Variants in UBE3B observed in about 807,000 individuals in gnomAD.
The protein encoded by UBE3B is ubiquitin-protein ligase E3B.
A neutral mutation model predicts 132.3 loss-of-function variants in UBE3B; 80 were observed. That is an observed-to-expected ratio of 0.60 (90% CI 0.50 to 0.73). The LOEUF is 0.73. Among genes scored for constraint, UBE3B ranks in the 30% least tolerant of loss-of-function variants. The pLI is 0.00. For missense variants in UBE3B, 1,196 were observed against 1,362.5 expected (o/e 0.88, Z 1.92); for synonymous variants, 487 against 520.4 (o/e 0.94, Z 0.87).
intron 2 of UBE3B, among the ~76,000 whole-genome samples, chr12:109,482,366 C>T (rs1411295062): frequency 6.6e-6 from 1 of 152,154 alleles, no homozygotes; most frequent in African/African-American, 2.4e-5. Context: ...TTATCTTATT[C>T]CACTCTGTTT....
Position 109,534,410 on chromosome 12 carries a change from G to GGAAGGA in UBE3B, c.3016-177_3016-176insGAGAAG. On this transcript the variant is annotated intron_variant, in intron 27 of 27. Transcript: ENST00000342494. This position sits in a 1 kb window ranked among gnomAD's most constrained non-coding sequence, Gnocchi z 5.2. ...CCCAGGGAGAAGGGGTTCCTTCTCT[G>GGAAGGA]GAAGCCAGTCGTCTTGTGTCTGGGG... The GGAAGGA allele has an allele frequency of 6.4e-6, 9 of 1,415,766 alleles. No homozygotes were observed. Among genetic ancestry groups the GGAAGGA allele is most frequent in the Non-Finnish European group, 8.3e-6 (9 of 1,089,872 alleles). 87.7% of individuals were successfully genotyped at this position (1,415,766 alleles called of 1,614,324 possible). A position where few individuals can be genotyped will look rare whatever the true frequency, so the allele number is the denominator to read the frequency against.
Position 109,534,406 on chromosome 12 carries a change from C to T in UBE3B, c.3016-185C>T. 1 of 1,415,284 alleles carries T rather than the reference C, an allele frequency of 7.1e-7. No individual in the cohort carries two copies. Among genetic ancestry groups the T allele is most frequent in the Non-Finnish European group, 9.2e-7 (1 of 1,089,968 alleles). 87.7% of individuals were successfully genotyped at this position (1,415,284 alleles called of 1,614,324 possible). On this transcript the variant is annotated intron_variant, in intron 27 of 27. Coordinates refer to ENST00000342494, the MANE Select transcript of UBE3B (RefSeq NM_130466.4). The surrounding 1 kb of genome is among the most constrained non-coding windows in gnomAD (Gnocchi z 5.2). The stretch of plus-strand genomic sequence containing the variant: ...AGGCCCCAGGGAGAAGGGGTTCCTT[C>T]TCTGGAAGCCAGTCGTCTTGTGTCT...
intron 14 of UBE3B, among the ~76,000 whole-genome samples, chr12:109,504,966 C>T (rs1018858753): frequency 1.3e-5 from 2 of 148,746 alleles, no homozygotes; most frequent in East Asian, 3.9e-4. Context: ...CCACCATGCC[C>T]GGCTAATTTT....
chr12:109,522,710 C>T lies in UBE3B; in HGVS notation c.2364+1159C>T, dbSNP rs1369419257. ...CTGTCTGGAAACAGTCTATGTGCAC[C>T]GGCCTCAGTCCCTGGCCATGATGGA... On this transcript the variant is annotated intron_variant, in intron 21 of 27. Transcript: ENST00000342494. The surrounding 1 kb of genome is among the most constrained non-coding windows in gnomAD (Gnocchi z 4.2). 3.3e-5 allele frequency among the ~76,000 whole-genome samples: 5 copies of T among 152,178 alleles called. No individual in the cohort carries two copies. Among genetic ancestry groups the T allele is most frequent in the African/African-American group, 9.7e-5 (4 of 41,424 alleles).
chr12:109,487,354 A>T (rs1876680161), intron 6 of UBE3B, among the ~76,000 whole-genome samples: 1 of 152,206 alleles, frequency 6.6e-6, no homozygotes, highest in Non-Finnish European at 1.5e-5. Flanking sequence ...AAGGATAGAG[A>T]GGTCTCAGGG....
Position 109,521,573 on chromosome 12 carries a change from G to T in UBE3B, c.2364+22G>T. Reference sequence around the variant, plus strand: ...TGAGGTAGGAACGTTAAGAAACAGAGAAATGTAAAATAAAATGTTAACGGT... The same window carrying T: ...TGAGGTAGGAACGTTAAGAAACAGATAAATGTAAAATAAAATGTTAACGGT... On this transcript the variant is annotated intron_variant, in intron 21 of 27. Coordinates refer to ENST00000342494, the MANE Select transcript of UBE3B (RefSeq NM_130466.4). The surrounding 1 kb of genome is among the most constrained non-coding windows in gnomAD (Gnocchi z 4.2). 1 of 1,526,552 alleles carries T rather than the reference G, an allele frequency of 6.6e-7. No individual in the cohort carries two copies. The highest frequency in any genetic ancestry group is 8.8e-7 in the Non-Finnish European group (1 of 1,133,700). 94.6% of individuals were successfully genotyped at this position (1,526,552 alleles called of 1,614,324 possible).
chr12:109,486,969 G>C (rs1230461950), intron 6 of UBE3B, among the ~76,000 whole-genome samples: 2 of 152,216 alleles, frequency 1.3e-5, no homozygotes, highest in African/African-American at 4.8e-5. Context: ...AATATATTCA[G>C]TAACGTGGCA....
At chr12:109,545,915 G>T in the UBE3B span, among the ~76,000 whole-genome samples, 8 of 152,244 alleles carry the variant, frequency 5.3e-5, no homozygotes, top group African/African-American at 7.2e-5. Flanking sequence ...ATTTCAGGGT[G>T]TGCTGAGTAA....
At chr12:109,487,460 C>T (rs1190178303) in intron 6 of UBE3B, among the ~76,000 whole-genome samples, 1 of 152,212 alleles carries the variant, frequency 6.6e-6, no homozygotes, top group African/African-American at 2.4e-5. Context: ...CCCAGCCATC[C>T]CTCTTTGGCT....
chr12:109,541,399 C>A (rs1001746544), downstream of UBE3B, among the ~76,000 whole-genome samples: 1 of 152,214 alleles, frequency 6.6e-6, no homozygotes. Context: ...CATTTCACTT[C>A]TCGGAGATTC....
chr12:109,480,389 T>C (rs1412550672), intron 1 of UBE3B, among the ~76,000 whole-genome samples: 3 of 152,116 alleles, frequency 2.0e-5, no homozygotes, highest in Non-Finnish European at 4.4e-5. Flanking sequence ...GGCTCATACC[T>C]GTAATCCTAA....
At position 109,521,442 on chromosome 12, in the gene UBE3B, CA is replaced by C; in HGVS notation, c.2257del (p.Thr753ProfsTer49). 2 of 1,580,502 alleles carry C rather than the reference CA, an allele frequency of 1.3e-6. No individual in the cohort carries two copies. The highest frequency in any genetic ancestry group is 1.7e-6 in the Non-Finnish European group (2 of 1,157,394). ...VFDPALNLFKTTSGDERLYPS... is the reference protein window; with the variant it reads ...VFDPALNLFKXTSGDERLYPS... ...TCTCCCCGTCTTTTTGCCTTGCAGACAACCAGTGGGGATGAGAGGCTGTACC... is the reference window on the plus strand; with the variant it reads ...TCTCCCCGTCTTTTTGCCTTGCAGACACCAGTGGGGATGAGAGGCTGTACC... On this transcript the variant is annotated frameshift_variant and splice_region_variant, in exon 21 of 28. Coordinates refer to ENST00000342494, the MANE Select transcript of UBE3B (RefSeq NM_130466.4). LOFTEE classifies it high-confidence loss of function. This position sits in a 1 kb window ranked among gnomAD's most constrained non-coding sequence, Gnocchi z 4.2.
At position 109,478,104 on chromosome 12, in the gene UBE3B, C is replaced by T. The variant is rs1874625951; in HGVS notation, c.-133C>T. On this transcript the variant is annotated 5_prime_UTR_variant, in exon 1 of 28. Transcript: ENST00000342494. The stretch of plus-strand genomic sequence containing the variant: ...CGAATACTGTTCGCTCGCTGTGTGA[C>T]CTTGGGTGAGTTCCCTCACCTCTCT... 6.5e-6 allele frequency: 1 copy of T among 153,794 alleles called. No homozygotes were observed. Among genetic ancestry groups the T allele is most frequent in the Admixed American group, 6.5e-5 (1 of 15,310 alleles). 9.5% of individuals were successfully genotyped at this position (153,794 alleles called of 1,614,324 possible).
chr12:109,502,319 C>T (rs887675912), intron 13 of UBE3B, among the ~76,000 whole-genome samples: 10 of 152,206 alleles, frequency 6.6e-5, no homozygotes, highest in African/African-American at 2.2e-4. Flanking sequence ...GAACCACAGG[C>T]GGGGCTAGCG....
At chr12:109,503,862 G>T (rs923315018) in intron 14 of UBE3B, among the ~76,000 whole-genome samples, 25 of 152,206 alleles carry the variant, frequency 1.6e-4, no homozygotes, top group African/African-American at 5.8e-4. Flanking sequence ...GAAGGATTAA[G>T]AGCTTCTCTG....
chr12:109,542,171 A>T, the UBE3B span, among the ~76,000 whole-genome samples: 1 of 152,208 alleles, frequency 6.6e-6, no homozygotes, highest in Non-Finnish European at 1.5e-5. Context: ...AGAATTGCTT[A>T]TTCAAGGACG....
chr12:109,521,228 G>C lies in UBE3B; in HGVS notation c.2157G>C (p.Gly719=). Reference sequence around the variant, plus strand: ...GTGTGAAGTTTGTCAATGACCTCGGGGTGGACGAAGCAGGGATTGATCAAG... The same window carrying C: ...GTGTGAAGTTTGTCAATGACCTCGGCGTGGACGAAGCAGGGATTGATCAAG... The part of the protein sequence containing the change: ...VIRVKFVNDL[G]VDEAGIDQDG... The change falls in exon 20 of 28, where the codon GGG becomes GGC. Residue 719 remains glycine (G), a synonymous_variant. Coordinates refer to ENST00000342494, the MANE Select transcript of UBE3B (RefSeq NM_130466.4). This position sits in a 1 kb window ranked among gnomAD's most constrained non-coding sequence, Gnocchi z 4.2. The C allele has an allele frequency of 6.2e-7, 1 of 1,614,174 alleles. No homozygotes were observed. The highest frequency in any genetic ancestry group is 8.5e-7 in the Non-Finnish European group (1 of 1,180,034).
intron 24 of UBE3B, among the ~76,000 whole-genome samples, chr12:109,527,195 T>C (rs1882441476): frequency 6.6e-6 from 1 of 152,218 alleles, no homozygotes; most frequent in South Asian, 2.1e-4. Context: ...GGAGAGACTC[T>C]GAGGCCCAGC....
chr12:109,509,025 G>C (rs1880027762), intron 15 of UBE3B: 2 of 152,310 alleles, frequency 1.3e-5, no homozygotes, highest in Non-Finnish European at 2.9e-5. Flanking sequence ...TTATGAATAA[G>C]AAAAATATAG....
Sources: allele counts gnomAD v4.1 joint callset (sites outside exome capture counted in the v4.1 genomes callset), GRCh38; gene constraint gnomAD v4.1.1; non-coding constraint Gnocchi (gnomAD v3.1); transcripts MANE v1.5; gene names NCBI Gene and HGNC (gene_info 2026-07-23, HGNC 2026-07-21).